Variants in NEBL observed in about 807,000 individuals in gnomAD.
NEBL encodes the protein LIM and SH3 protein 2.
Under a neutral mutation model 140.2 loss-of-function variants are expected in NEBL, and 122 were observed. The observed-to-expected ratio is 0.87, with a 90% CI of 0.75 to 1.01. NEBL has a LOEUF of 1.01. Ranked by LOEUF, NEBL falls within the 50% of genes least tolerant of loss-of-function variation. The probability of loss-of-function intolerance (pLI) is 0.00; values close to 1 mark genes in which losing one functional copy is unlikely to be tolerated. For missense variants in NEBL, 1,365 were observed against 1,231.3 expected (o/e 1.11, Z -1.62); for synonymous variants, 436 against 398.9 (o/e 1.09, Z -1.11).
intron 1 of NEBL, among the ~76,000 whole-genome samples, chr10:21,270,253 A>C (rs950377614): frequency 1.3e-5 from 2 of 152,230 alleles, no homozygotes; most frequent in African/African-American, 4.8e-5. Flanking sequence ...CGTAAACCAC[A>C]GAAGTTTCTT....
chr10:21,222,469 T>C (rs1427277080), intron 3 of NEBL, among the ~76,000 whole-genome samples: 1 of 152,230 alleles, frequency 6.6e-6, no homozygotes, highest in Non-Finnish European at 1.5e-5. Context: ...TTGGTGTTAT[T>C]GTTGCTGATG....
At chr10:21,086,933 C>G (rs1836660709) in intron 2 of NEBL, among the ~76,000 whole-genome samples, 1 of 152,126 alleles carries the variant, frequency 6.6e-6, no homozygotes, top group African/African-American at 2.4e-5. Flanking sequence ...CTCCCTGCAC[C>G]CCAACACCAA....
intron 2 of NEBL, among the ~76,000 whole-genome samples, chr10:21,113,697 C>T (rs993448881): frequency 2.0e-5 from 3 of 152,016 alleles, no homozygotes; most frequent in Admixed American, 1.3e-4. Context: ...TCCTCCCTTT[C>T]CTTGGTTTTT....
intron 2 of NEBL, among the ~76,000 whole-genome samples, chr10:20,892,014 T>A (rs1257192438): frequency 6.6e-6 from 1 of 152,228 alleles, no homozygotes; most frequent in Non-Finnish European, 1.5e-5. Context: ...TAAAAATCAC[T>A]GAATAGATTG....
intron 2 of NEBL, among the ~76,000 whole-genome samples, chr10:21,077,631 T>A (rs1278068265): frequency 6.6e-6 from 1 of 151,998 alleles, no homozygotes; most frequent in Non-Finnish European, 1.5e-5. Context: ...TAAAAATAAA[T>A]AAATAAATAA....
chr10:21,232,231 C>G, intron 3 of NEBL, among the ~76,000 whole-genome samples: 1 of 152,118 alleles, frequency 6.6e-6, no homozygotes, highest in East Asian at 1.9e-4. Context: ...ATAGACCATG[C>G]AATTCTCTGC....
intron 2 of NEBL, among the ~76,000 whole-genome samples, chr10:21,065,939 A>C (rs1470606462): frequency 6.6e-6 from 1 of 152,232 alleles, no homozygotes; most frequent in East Asian, 1.9e-4. Context: ...TCTTACCACC[A>C]GCAGCTGCAC....
intron 1 of NEBL, among the ~76,000 whole-genome samples, chr10:21,253,283 T>C (rs1842610239): frequency 6.6e-6 from 1 of 151,878 alleles, no homozygotes; most frequent in Admixed American, 6.6e-5. Context: ...AAAGTAATAA[T>C]AATAAGGCAG....
intron 2 of NEBL, among the ~76,000 whole-genome samples, chr10:21,056,657 G>C (rs1016530978): frequency 6.6e-6 from 1 of 152,144 alleles, no homozygotes; most frequent in East Asian, 1.9e-4. Context: ...AAAAGAACTC[G>C]ATATATTCTA....
intron 24 of NEBL, 131 bp downstream of exon 24, chr10:20,812,638 G>A: frequency 1.8e-6 from 2 of 1,095,772 alleles, no homozygotes; most frequent in Non-Finnish European, 2.7e-6. Flanking sequence ...TTTACCTGCG[G>A]TCCATTTTAA....
intron 7 of NEBL, among the ~76,000 whole-genome samples, chr10:20,866,172 C>A (rs1379350715): frequency 6.6e-6 from 1 of 152,096 alleles, no homozygotes; most frequent in East Asian, 1.9e-4. Flanking sequence ...GCTCTGAAAT[C>A]ACTTTTTTAT....
At chr10:20,790,613 AC>A (rs1478616864) in intron 26 of NEBL, among the ~76,000 whole-genome samples, 3 of 151,348 alleles carry the variant, frequency 2.0e-5, no homozygotes, top group Admixed American at 6.6e-5. Flanking sequence ...AAAAAAAAAA[AC>A]AAAACAAACA....
chr10:20,822,671 AC>A (rs2130848804), intron 19 of NEBL, among the ~76,000 whole-genome samples: 1 of 90,110 alleles, frequency 1.1e-5, no homozygotes, highest in African/African-American at 3.1e-5. Context: ...ATATATAGAG[AC>A]TATAGATATA....
intron 4 of NEBL, among the ~76,000 whole-genome samples, chr10:20,882,188 G>GAAAGAAGGAAAGAAAGAAGGAAGT (rs1411183186): frequency 6.9e-6 from 1 of 145,584 alleles, no homozygotes; most frequent in South Asian, 2.2e-4. Context: ...AGGAAAGACA[G>GAAAGAAGGAAAGAAAGAAGGAAGT]AAAGAAGGAA....
At chr10:21,162,780 C>T (rs1247615849) in intron 2 of NEBL, among the ~76,000 whole-genome samples, 1 of 152,128 alleles carries the variant, frequency 6.6e-6, no homozygotes, top group Non-Finnish European at 1.5e-5. Context: ...AGAAAGAGTT[C>T]AGTAATTGAT....
chr10:20,819,251 T>C, intron 20 of NEBL, 173 bp downstream of exon 20: 3 of 1,135,094 alleles, frequency 2.6e-6, no homozygotes, highest in Non-Finnish European at 3.7e-6. Flanking sequence ...CGGTGTCTGT[T>C]ATTCCCCTCT....
intron 2 of NEBL, among the ~76,000 whole-genome samples, chr10:21,136,472 G>C (rs1839361451): frequency 6.6e-6 from 1 of 152,098 alleles, no homozygotes; most frequent in Non-Finnish European, 1.5e-5. Context: ...GAGATAACAG[G>C]CATGGGCCAC....
At chr10:21,258,745 G>A (rs991503680) in intron 1 of NEBL, among the ~76,000 whole-genome samples, 7 of 151,964 alleles carry the variant, frequency 4.6e-5, no homozygotes, top group African/African-American at 1.7e-4. Flanking sequence ...CAGGTGTGGT[G>A]ACAGGCGCCT....
intron 3 of NEBL, among the ~76,000 whole-genome samples, chr10:21,223,278 T>G (rs2132247010): frequency 6.6e-6 from 1 of 152,332 alleles, no homozygotes; most frequent in East Asian, 1.9e-4. Flanking sequence ...TTAGCTTCCA[T>G]GGATAAGTGA....
Sources: gnomAD v4.1 joint callset for allele counts (sites outside exome capture counted in the v4.1 genomes callset) on GRCh38, gnomAD v4.1.1 for gene constraint, MANE v1.5 for transcripts, NCBI Gene and HGNC (gene_info 2026-07-23, HGNC 2026-07-21) for gene names.